Variants in ERP44 observed in about 807,000 individuals in gnomAD.
ERP44 encodes endoplasmic reticulum resident protein 44.
A neutral mutation model predicts 53.4 loss-of-function variants in ERP44; 25 were observed. The ratio of observed to expected loss-of-function variants is 0.47; its 90% CI spans 0.34 to 0.65. The LOEUF (loss-of-function observed/expected upper bound fraction) is 0.65, where lower values mean the gene tolerates loss of function less well. ERP44 is among the 30% of genes least tolerant of loss of function. The pLI is 0.01. For missense variants in ERP44, 338 were observed against 493.2 expected, an observed-to-expected ratio of 0.69 and a Z score of 2.98; for synonymous variants, 145 against 161.2, an observed-to-expected ratio of 0.90 and a Z score of 0.76.
intron 8 of ERP44, among the ~76,000 whole-genome samples, chr9:100,008,094 G>T (rs182116850): frequency 3.3e-5 from 5 of 152,246 alleles, no homozygotes; most frequent in Admixed American, 3.3e-4. Flanking sequence ...ACAAGTAACA[G>T]TGAAAAACAG....
intron 4 of ERP44, among the ~76,000 whole-genome samples, chr9:100,038,390 C>T (rs1375545190): frequency 6.6e-6 from 1 of 152,052 alleles, no homozygotes; most frequent in African/African-American, 2.4e-5. Flanking sequence ...TTTATTAGTT[C>T]TCTTTTTGCT....
chr9:100,054,121 CTT>C (rs1826065445), intron 3 of ERP44, among the ~76,000 whole-genome samples: 1 of 152,148 alleles, frequency 6.6e-6, no homozygotes, highest in Non-Finnish European at 1.5e-5. Flanking sequence ...GCTCTTTCCT[CTT>C]TTAGCATTCT....
intron 1 of ERP44, among the ~76,000 whole-genome samples, chr9:100,065,221 C>T (rs1228282874): frequency 6.6e-6 from 1 of 152,096 alleles, no homozygotes. Context: ...CGTTTAGATA[C>T]ACAAATACCA....
At chr9:100,040,145 G>A (rs1825886454) in intron 4 of ERP44, among the ~76,000 whole-genome samples, 1 of 152,142 alleles carries the variant, frequency 6.6e-6, no homozygotes, top group Non-Finnish European at 1.5e-5. Context: ...AACAAAGGAG[G>A]AGGGAATACT....
At chr9:99,983,971 C>T (rs1457771712) in intron 11 of ERP44, among the ~76,000 whole-genome samples, 1 of 152,180 alleles carries the variant, frequency 6.6e-6, no homozygotes, top group Admixed American at 6.5e-5. Context: ...TAAATGACAT[C>T]TTTTCCTAAT....
chr9:100,049,820 C>T (rs2118703583), intron 4 of ERP44, among the ~76,000 whole-genome samples: 1 of 152,200 alleles, frequency 6.6e-6, no homozygotes, highest in South Asian at 2.1e-4. Context: ...ATGTTTATAA[C>T]AGCTTTATTT....
intron 10 of ERP44, among the ~76,000 whole-genome samples, chr9:99,985,362 T>TGGGC (rs1830185197): frequency 6.6e-6 from 1 of 152,192 alleles, no homozygotes; most frequent in South Asian, 2.1e-4. Context: ...TTTTTATTAA[T>TGGGC]GGGCACTTTA....
rs1298517776 is a variant in ERP44, at chr9:99,981,270, CGAG to C, written c.*1339_*1341del. ...GAAACTTTGGATAAATCATGCATAA[CGAG>C]GAATTATAAGCTGGTTTTTAAAAAT... On this transcript the variant is annotated 3_prime_UTR_variant, in exon 12 of 12. Transcript: ENST00000262455. 3 of 152,064 alleles carry C rather than the reference CGAG, an allele frequency of 2.0e-5. No individual in the cohort carries two copies. Among genetic ancestry groups the C allele is most frequent in the South Asian group, 2.1e-4 (1 of 4,826 alleles). 9.4% of individuals were successfully genotyped at this position (152,064 alleles called of 1,614,324 possible). A position where few individuals can be genotyped will look rare whatever the true frequency, so the allele number is the denominator to read the frequency against.
chr9:100,036,000 A>C (rs540014163), intron 4 of ERP44, among the ~76,000 whole-genome samples: 2 of 152,180 alleles, frequency 1.3e-5, no homozygotes, highest in Admixed American at 6.5e-5. Flanking sequence ...TTCACAAAGA[A>C]CTAAGAGTTG....
At chr9:100,085,768 G>A (rs1268127354) in intron 1 of ERP44, among the ~76,000 whole-genome samples, 1 of 152,122 alleles carries the variant, frequency 6.6e-6, no homozygotes, top group Non-Finnish European at 1.5e-5. Flanking sequence ...ACATGGTGGC[G>A]CATGCCTGTA....
At chr9:100,089,778 C>A (rs1826529675) in intron 1 of ERP44, among the ~76,000 whole-genome samples, 1 of 152,012 alleles carries the variant, frequency 6.6e-6, no homozygotes, top group Non-Finnish European at 1.5e-5. Context: ...TATTGTTGAT[C>A]TCTTACTGTG....
At chr9:100,075,109 G>A (rs1235024458) in intron 1 of ERP44, among the ~76,000 whole-genome samples, 2 of 152,200 alleles carry the variant, frequency 1.3e-5, no homozygotes, top group Non-Finnish European at 2.9e-5. Context: ...CACCATCAAG[G>A]ACTTGAAAGA....
intron 4 of ERP44, among the ~76,000 whole-genome samples, chr9:100,044,068 T>C (rs1825941471): frequency 6.6e-6 from 1 of 152,244 alleles, no homozygotes; most frequent in African/African-American, 2.4e-5. Flanking sequence ...GTTCATTTTT[T>C]CTTTTGTACA....
chr9:100,011,770 AAAG>A (rs1830478786), intron 8 of ERP44, among the ~76,000 whole-genome samples: 1 of 152,226 alleles, frequency 6.6e-6, no homozygotes, highest in Non-Finnish European at 1.5e-5. Flanking sequence ...AACACTGAAA[AAAG>A]CAACAGAACA....
chr9:100,072,534 T>C (rs1826317113), intron 1 of ERP44, among the ~76,000 whole-genome samples: 1 of 152,058 alleles, frequency 6.6e-6, no homozygotes, highest in Non-Finnish European at 1.5e-5. Flanking sequence ...TCTCTTTTCT[T>C]CTTTTGAGAT....
At chr9:100,064,822 T>C (rs138201172) in intron 1 of ERP44, among the ~76,000 whole-genome samples, 105 of 152,118 alleles carry the variant, frequency 6.9e-4, no homozygotes, top group African/African-American at 2.4e-3. Flanking sequence ...ACAAAAAAGC[T>C]AAAAAGAAAA....
intron 4 of ERP44, among the ~76,000 whole-genome samples, chr9:100,036,044 G>C (rs1825845918): frequency 6.6e-6 from 1 of 152,116 alleles, no homozygotes; most frequent in Admixed American, 6.5e-5. Context: ...CCATTACTGG[G>C]GATATACCCA....
intron 3 of ERP44, among the ~76,000 whole-genome samples, chr9:100,055,056 A>C (rs1488272233): frequency 6.6e-6 from 1 of 152,178 alleles, no homozygotes; most frequent in African/African-American, 2.4e-5. Context: ...GCATACCTGA[A>C]TTTAAATCCC....
rs7855094 is a variant in ERP44, at chr9:99,993,159, T to C, written c.1017-8090A>G. 4.0e-3 allele frequency among the ~76,000 whole-genome samples: 601 copies of C among 151,940 alleles called. 4 individuals are homozygous for C. The highest frequency in any genetic ancestry group is 0.014 in the African/African-American group (582 of 41,522). ...GACTTTCTTCACAGAATTGGAAACA[T>C]TACTTTAAAATTCATATGGAACCAA... On this transcript the variant is annotated intron_variant, in intron 10 of 11. Coordinates refer to ENST00000262455, the MANE Select transcript of ERP44 (RefSeq NM_015051.3).
Sources: allele counts gnomAD v4.1 joint callset (sites outside exome capture counted in the v4.1 genomes callset), GRCh38; gene constraint gnomAD v4.1.1; transcripts MANE v1.5; gene names NCBI Gene and HGNC (gene_info 2026-07-23, HGNC 2026-07-21).